MTAP: variants seen among roughly 807,000 people sequenced by gnomAD.
MTAP encodes S-methyl-5'-thioadenosine phosphorylase.
A neutral mutation model predicts 33.6 loss-of-function variants in MTAP; 33 were observed. The ratio of observed to expected loss-of-function variants is 0.98; its 90% CI spans 0.74 to 1.31. MTAP has a LOEUF of 1.31. Ranked by LOEUF, MTAP falls within the 40% of genes most tolerant of loss-of-function variation. The pLI, the probability that MTAP is intolerant of heterozygous loss-of-function variation, is 0.00. For synonymous variants in MTAP, 148 were observed against 125.7 expected (o/e 1.18, Z -1.19); for missense variants, 367 against 360.0 (o/e 1.02, Z -0.16).
In MTAP at chr9:21,802,664, G is replaced by A. The variant is rs1824077532; in HGVS notation, c.-85G>A. 2 of 1,522,680 alleles carry A rather than the reference G, an allele frequency of 1.3e-6. No homozygotes were observed. The highest frequency in any genetic ancestry group is 1.1e-5 in the South Asian group (1 of 87,064). The allele number at this position is 1,522,680 out of a possible 1,614,324, so 94.3% of individuals were successfully genotyped here. A position where few individuals can be genotyped will look rare whatever the true frequency, so the allele number is the denominator to read the frequency against. ...CGCACTGCTCACTCCCGCGCAGTGA[G>A]GTTGGCACAGCCACCGCTCTGTGGC... On this transcript the variant is annotated 5_prime_UTR_variant, in exon 1 of 8. Transcript: ENST00000644715.
At chr9:21,934,503 C>T (rs887727699), downstream of MTAP, 6 of 152,062 alleles carry the variant, frequency 3.9e-5, no homozygotes, top group African/African-American at 1.4e-4. This position sits in a 1 kb window ranked among gnomAD's most constrained non-coding sequence, Gnocchi z 5.0. Flanking sequence ...TACATACATA[C>T]AGTTTTTTTC....
chr9:21,823,989 A>G (rs1339259320), intron 4 of MTAP, among the ~76,000 whole-genome samples: 1 of 152,118 alleles, frequency 6.6e-6, no homozygotes, highest in African/African-American at 2.4e-5. Flanking sequence ...TACACTGGTT[A>G]TTCTAGTTAG....
intron 5 of MTAP, among the ~76,000 whole-genome samples, chr9:21,843,816 A>T (rs1480884219): frequency 6.6e-6 from 1 of 152,172 alleles, no homozygotes; most frequent in East Asian, 1.9e-4. Flanking sequence ...CAAATCAACA[A>T]TCTAAGGTCA....
downstream of MTAP, among the ~76,000 whole-genome samples, chr9:21,867,255 A>G (rs1179198182): frequency 6.6e-6 from 1 of 152,178 alleles, no homozygotes; most frequent in African/African-American, 2.4e-5. Context: ...CTCTTGTCTT[A>G]TTCTCAACAG....
chr9:21,836,702 T>TTA (rs564260564), intron 4 of MTAP, among the ~76,000 whole-genome samples: 92 of 152,322 alleles, frequency 6.0e-4, no homozygotes, highest in African/African-American at 2.2e-3. Flanking sequence ...TGGGGTTAAC[T>TTA]TAGCATTTCC....
intron 1 of MTAP, among the ~76,000 whole-genome samples, chr9:21,886,623 A>G (rs1818115851): frequency 6.6e-6 from 1 of 152,164 alleles, no homozygotes. Flanking sequence ...GCATAAAGTG[A>G]GAGGTGAGGA....
intron 1 of MTAP, among the ~76,000 whole-genome samples, chr9:21,899,564 G>A (rs1388900332): frequency 6.6e-6 from 1 of 152,154 alleles, no homozygotes; most frequent in Non-Finnish European, 1.5e-5. Flanking sequence ...CAGTCATGGT[G>A]GAAGGTGAAC....
At chr9:21,819,645 G>A (rs1340729205) in intron 4 of MTAP, among the ~76,000 whole-genome samples, 1 of 152,066 alleles carries the variant, frequency 6.6e-6, no homozygotes, top group Non-Finnish European at 1.5e-5. Context: ...TAATCCTTTG[G>A]GTATATACCC....
At chr9:21,907,109 A>G (rs1312956278) in intron 1 of MTAP, among the ~76,000 whole-genome samples, 1 of 152,212 alleles carries the variant, frequency 6.6e-6, no homozygotes, top group Non-Finnish European at 1.5e-5. Context: ...ACAAAGCACA[A>G]TCCCAGATGT....
intron 1 of MTAP, among the ~76,000 whole-genome samples, chr9:21,805,622 G>A (rs1425768492): frequency 6.6e-6 from 1 of 152,148 alleles, no homozygotes; most frequent in East Asian, 1.9e-4. Context: ...GGCGTGATTG[G>A]GGTCATAAAG....
chr9:21,906,994 G>A lies in MTAP; in HGVS notation c.148-24014G>A, dbSNP rs1488036127. ...TGAACCCAGTAATTCTAAACTGTATGTCATAGTTATTTTCCACCAACTAAG... is the reference window on the plus strand; with the variant it reads ...TGAACCCAGTAATTCTAAACTGTATATCATAGTTATTTTCCACCAACTAAG... On this transcript the variant is annotated intron_variant, in intron 1 of 1. Transcript: ENST00000577563. 5.3e-5 allele frequency among the ~76,000 whole-genome samples: 8 copies of A among 152,186 alleles called. No individual in the cohort carries two copies. In the East Asian group the frequency reaches 1.5e-3, roughly 29 times the overall value.
intron 1 of MTAP, among the ~76,000 whole-genome samples, chr9:21,910,158 A>T (rs1244921181): frequency 2.0e-5 from 3 of 152,182 alleles, no homozygotes; most frequent in Non-Finnish European, 4.4e-5. Context: ...ATATTGTTTG[A>T]AAGGAAATCC....
Position 21,864,419 on chromosome 9 carries a change from C to A in MTAP, c.*2405C>A, listed in dbSNP as rs551514279. ...GGTCAGTTGTGAGCATTTTGGTTTC[C>A]GCAAAGGATGGATGGTGAGCATCAT... On this transcript the variant is annotated 3_prime_UTR_variant, in exon 8 of 8. Coordinates refer to ENST00000644715, the MANE Select transcript of MTAP (RefSeq NM_002451.4). 5.1e-6 allele frequency: 5 copies of A among 985,108 alleles called. No individual in the cohort carries two copies. Among genetic ancestry groups the A allele is most frequent in the Non-Finnish European group, 6.0e-6 (5 of 829,912 alleles). The allele number at this position is 985,108 out of a possible 1,614,324, so 61.0% of individuals were successfully genotyped here. A position where few individuals can be genotyped will look rare whatever the true frequency, so the allele number is the denominator to read the frequency against.
chr9:21,823,090 A>T (rs1429896510), intron 4 of MTAP, among the ~76,000 whole-genome samples: 4 of 152,136 alleles, frequency 2.6e-5, no homozygotes, highest in Non-Finnish European at 4.4e-5. Context: ...CCAATTTGCC[A>T]GTCTGTGTCT....
rs1817975849 is a variant in MTAP at position 21,879,715 on chromosome 9, A to AG, written c.147+24845_147+24846insG. On this transcript the variant is annotated intron_variant, in intron 1 of 1. Transcript: ENST00000577563. ...TAGTGCTCCTTTCAAGATCTCTTAC[A>AG]AGGCAGATCTGTTGGTAACAAACTC... Among the ~76,000 whole-genome samples, 3 of 152,294 alleles carry AG rather than the reference A, an allele frequency of 2.0e-5. No individual in the cohort carries two copies. In the South Asian group the frequency reaches 6.2e-4, roughly 32 times the overall value.
intron 1 of MTAP, among the ~76,000 whole-genome samples, chr9:21,911,028 CAAAG>C (rs1488755782): frequency 6.6e-5 from 10 of 152,070 alleles, no homozygotes; most frequent in Non-Finnish European, 1.3e-4. Context: ...TCAAAAGAGA[CAAAG>C]AAGGCCATTA....
intron 5 of MTAP, among the ~76,000 whole-genome samples, chr9:21,848,043 A>AGAAGTGGCAG (rs1554644693): frequency 5.3e-5 from 8 of 152,208 alleles, no homozygotes; most frequent in African/African-American, 1.9e-4. Flanking sequence ...TCCCATCCCC[A>AGAAGTGGCAG]GAAGTGGCAG....
rs760315263 is a variant in MTAP, at chr9:21,818,127, T to C, written c.272T>C (p.Val91Ala). Residue 91 changes from valine (V) to alanine (A), a missense_variant, in exon 4 of 8, where the codon GTG becomes GCG. Val to Ala is a moderately conservative substitution (Grantham distance 64, BLOSUM62 0). Transcript: ENST00000644715. ...LKEEGCTHVIVTTACGSLREE... is the reference protein window; with the variant it reads ...LKEEGCTHVIATTACGSLREE... ...GAAGAGGGCTGTACACATGTCATAG[T>C]GACCACAGCTTGTGGCTCCTTGAGG... The C allele has an allele frequency of 1.2e-6, 2 of 1,614,042 alleles. No homozygotes were observed. Among genetic ancestry groups the C allele is most frequent in the Non-Finnish European group, 1.7e-6 (2 of 1,179,986 alleles).
chr9:21,895,174 C>G (rs946297939), intron 1 of MTAP, among the ~76,000 whole-genome samples: 4 of 152,088 alleles, frequency 2.6e-5, no homozygotes, highest in African/African-American at 9.7e-5. Context: ...TAGAAAAAAC[C>G]ATTCTAAAAT....
Sources: allele counts gnomAD v4.1 joint callset (sites outside exome capture counted in the v4.1 genomes callset), GRCh38; gene constraint gnomAD v4.1.1; non-coding constraint Gnocchi (gnomAD v3.1); transcripts MANE v1.5; gene names NCBI Gene and HGNC (gene_info 2026-07-23, HGNC 2026-07-21).